UMAD1: variants seen among roughly 807,000 people sequenced by gnomAD.
UMAD1 encodes UBAP1-MVB12-associated (UMA) domain containing 1, also known as UBAP1-MVB12-associated (UMA)-domain containing protein 1.
In UMAD1, 8 loss-of-function variants were observed where a neutral mutation model predicts 6.1. The observed-to-expected ratio is 1.30, with a 90% CI of 0.76 to 2.35. The LOEUF (loss-of-function observed/expected upper bound fraction) is 2.35, where lower values mean the gene tolerates loss of function less well. Among genes scored for constraint, UMAD1 ranks in the 30% most tolerant of loss-of-function variants. The pLI is 0.00. For missense variants in UMAD1, 130 were observed against 78.4 expected, an observed-to-expected ratio of 1.66 and a Z score of -2.49; for synonymous variants, 56 against 31.4, an observed-to-expected ratio of 1.78 and a Z score of -2.61.
intron 3 of UMAD1, among the ~76,000 whole-genome samples, chr7:7,855,059 C>T (rs1182368488): frequency 6.6e-6 from 1 of 152,226 alleles, no homozygotes; most frequent in Non-Finnish European, 1.5e-5. Context: ...TATGCTGATG[C>T]AAAAGGTGGG....
intron 3 of UMAD1, among the ~76,000 whole-genome samples, chr7:7,860,865 A>G (rs1321392361): frequency 6.6e-6 from 1 of 152,182 alleles, no homozygotes; most frequent in African/African-American, 2.4e-5. Flanking sequence ...CCATTAGTAG[A>G]TAAATGAATA....
intron 3 of UMAD1, among the ~76,000 whole-genome samples, chr7:7,817,663 A>G (rs1783158570): frequency 6.6e-6 from 1 of 151,980 alleles, no homozygotes; most frequent in African/African-American, 2.4e-5. Context: ...TGCCACATTG[A>G]TTTTTTATTT....
At chr7:7,668,234 C>A (rs554004528) in intron 1 of UMAD1, among the ~76,000 whole-genome samples, 3 of 152,138 alleles carry the variant, frequency 2.0e-5, no homozygotes, top group Non-Finnish European at 4.4e-5. Flanking sequence ...CTTTTACTTA[C>A]ACAATGTGAA....
intron 3 of UMAD1, among the ~76,000 whole-genome samples, chr7:7,858,191 G>A (rs1784054707): frequency 6.6e-6 from 1 of 152,188 alleles, no homozygotes; most frequent in Non-Finnish European, 1.5e-5. Flanking sequence ...GGTGGTAGTA[G>A]AAATAGGCAC....
At chr7:7,709,456 G>T (rs1372461639) in intron 2 of UMAD1, among the ~76,000 whole-genome samples, 4 of 152,216 alleles carry the variant, frequency 2.6e-5, no homozygotes, top group Non-Finnish European at 5.9e-5. Context: ...CACCCGAGGA[G>T]GGCAGAATGC....
intron 3 of UMAD1, among the ~76,000 whole-genome samples, chr7:7,834,468 C>T (rs904686952): frequency 6.6e-6 from 1 of 152,172 alleles, no homozygotes; most frequent in Non-Finnish European, 1.5e-5. Flanking sequence ...TAACAAAATA[C>T]CATAGACTGG....
At chr7:7,827,948 G>A (rs1783379628) in intron 3 of UMAD1, among the ~76,000 whole-genome samples, 1 of 152,122 alleles carries the variant, frequency 6.6e-6, no homozygotes, top group African/African-American at 2.4e-5. Flanking sequence ...AAATGTTATA[G>A]ATGACTTTTG....
At chr7:7,800,961 T>C (rs1782786759) in intron 2 of UMAD1, among the ~76,000 whole-genome samples, 1 of 152,208 alleles carries the variant, frequency 6.6e-6, no homozygotes, top group African/African-American at 2.4e-5. Context: ...ATAGGTAGTC[T>C]CTATCATGTG....
At chr7:7,854,797 T>G (rs1321047164) in intron 3 of UMAD1, among the ~76,000 whole-genome samples, 1 of 152,074 alleles carries the variant, frequency 6.6e-6, no homozygotes, top group Non-Finnish European at 1.5e-5. Context: ...AACCCAAAAA[T>G]CCAAGTCCAA....
intron 3 of UMAD1, among the ~76,000 whole-genome samples, chr7:7,838,353 G>A (rs1783610108): frequency 6.6e-6 from 1 of 152,118 alleles, no homozygotes; most frequent in Admixed American, 6.6e-5. Context: ...GAGCAACAGA[G>A]TTAATAAGGT....
intron 3 of UMAD1, among the ~76,000 whole-genome samples, chr7:7,826,877 A>G (rs1405143415): frequency 6.6e-6 from 1 of 152,210 alleles, no homozygotes; most frequent in Non-Finnish European, 1.5e-5. Context: ...TAATCTTATA[A>G]CAATTCAAAT....
intron 2 of UMAD1, among the ~76,000 whole-genome samples, chr7:7,761,012 T>C (rs770451874): frequency 1.3e-5 from 2 of 152,028 alleles, no homozygotes; most frequent in Non-Finnish European, 2.9e-5. Flanking sequence ...GGAAAATAGA[T>C]AGGAAATACT....
intron 3 of UMAD1, among the ~76,000 whole-genome samples, chr7:7,819,229 G>A (rs535117361): frequency 4.1e-4 from 62 of 152,170 alleles, no homozygotes; most frequent in African/African-American, 1.4e-3. Flanking sequence ...GGACCTTCTT[G>A]CACAAAAATT....
chr7:7,806,154 C>G (rs1435899151), intron 3 of UMAD1, among the ~76,000 whole-genome samples: 1 of 152,094 alleles, frequency 6.6e-6, no homozygotes, highest in Admixed American at 6.6e-5. Context: ...GTGGTTTCTC[C>G]TACACCAACT....
chr7:7,711,584 C>G (rs1780765125), intron 2 of UMAD1, among the ~76,000 whole-genome samples: 1 of 151,996 alleles, frequency 6.6e-6, no homozygotes, highest in Non-Finnish European at 1.5e-5. Context: ...TTTTAATTTA[C>G]ATTTTCTTGT....
chr7:7,728,171 G>A (rs1781177209), intron 2 of UMAD1, among the ~76,000 whole-genome samples: 1 of 151,996 alleles, frequency 6.6e-6, no homozygotes, highest in Non-Finnish European at 1.5e-5. Context: ...ATCTAGAGTT[G>A]CTTTTTTGAG....
intron 2 of UMAD1, among the ~76,000 whole-genome samples, chr7:7,700,832 G>T (rs1490383054): frequency 1.3e-5 from 2 of 152,106 alleles, no homozygotes. Context: ...AGGTTGCAGT[G>T]AGCTGAGAAT....
At chr7:7,793,048 A>G (rs1037419631) in intron 2 of UMAD1, among the ~76,000 whole-genome samples, 2 of 152,152 alleles carry the variant, frequency 1.3e-5, no homozygotes, top group African/African-American at 2.4e-5. Context: ...GAGGACACAC[A>G]CTTTCAGTCC....
chr7:7,803,119 A>G (rs1782835870), intron 3 of UMAD1, among the ~76,000 whole-genome samples: 1 of 152,228 alleles, frequency 6.6e-6, no homozygotes, highest in South Asian at 2.1e-4. Context: ...AAAATAGGAC[A>G]CAAGGACATA....
Sources: allele counts gnomAD v4.1 joint callset (sites outside exome capture counted in the v4.1 genomes callset), GRCh38; gene constraint gnomAD v4.1.1; transcripts MANE v1.5; gene names NCBI Gene and HGNC (gene_info 2026-07-23, HGNC 2026-07-21).